POLR3B: variants seen among roughly 807,000 people sequenced by gnomAD.
POLR3B encodes the protein DNA-directed RNA polymerase III subunit RPC2.
A neutral mutation model predicts 147.4 loss-of-function variants in POLR3B; 96 were observed. That is an observed-to-expected ratio of 0.65 (90% CI 0.55 to 0.77). The LOEUF (loss-of-function observed/expected upper bound fraction) is 0.77. Among genes scored for constraint, POLR3B ranks in the 30% least tolerant of loss-of-function variants. The pLI is 0.00. For synonymous variants in POLR3B, 461 were observed against 485.9 expected (o/e 0.95, Z 0.67); for missense variants, 1,036 against 1,413.5 (o/e 0.73, Z 4.28).
chr12:106,495,745 G>A (rs965927140), intron 23 of POLR3B, among the ~76,000 whole-genome samples: 5 of 152,184 alleles, frequency 3.3e-5, no homozygotes, highest in Admixed American at 6.5e-5. Flanking sequence ...CCACAGGCCT[G>A]GGGTCCAGTG....
intron 14 of POLR3B, 109 bp from the exon 15 acceptor site, chr12:106,432,209 T>C: frequency 1.1e-6 from 1 of 940,758 alleles, no homozygotes; most frequent in Non-Finnish European, 1.7e-6. Flanking sequence ...CCTACAAAGT[T>C]GTACTGCTTT....
At chr12:106,377,256 T>C (rs763699825) in intron 7 of POLR3B, among the ~76,000 whole-genome samples, 2 of 152,236 alleles carry the variant, frequency 1.3e-5, no homozygotes, top group Non-Finnish European at 2.9e-5. Context: ...AAGTTTCTCT[T>C]AGTTCTTTAA....
chr12:106,402,269 CT>C (rs1357702005), intron 10 of POLR3B, among the ~76,000 whole-genome samples: 1 of 152,040 alleles, frequency 6.6e-6, no homozygotes, highest in African/African-American at 2.4e-5. Context: ...TGAAGGACCT[CT>C]TCAAGGAGAA....
intron 11 of POLR3B, chr12:106,410,592 A>G: frequency 1.9e-6 from 1 of 536,206 alleles, no homozygotes; most frequent in Non-Finnish European, 3.3e-6. Context: ...GAAGGGAAGA[A>G]GTTGATGTAG....
chr12:106,368,550 C>G (rs1247135124), intron 4 of POLR3B, among the ~76,000 whole-genome samples: 1 of 152,014 alleles, frequency 6.6e-6, no homozygotes, highest in East Asian at 1.9e-4. Context: ...AAAAATTTTT[C>G]AATCCTAGAC....
chr12:106,394,572 C>T (rs569560790), intron 10 of POLR3B, among the ~76,000 whole-genome samples: 3 of 152,282 alleles, frequency 2.0e-5, no homozygotes, highest in Admixed American at 1.3e-4. Flanking sequence ...TCAGTGAAAT[C>T]CGGTATGCAG....
chr12:106,450,452 C>A (rs1236361353), intron 19 of POLR3B, among the ~76,000 whole-genome samples: 1 of 152,040 alleles, frequency 6.6e-6, no homozygotes, highest in Non-Finnish European at 1.5e-5. Flanking sequence ...ATTTGCAATA[C>A]ATATATCTGA....
intron 26 of POLR3B, among the ~76,000 whole-genome samples, chr12:106,503,292 G>A (rs1372862987): frequency 6.6e-6 from 1 of 152,068 alleles, no homozygotes; most frequent in Non-Finnish European, 1.5e-5. Flanking sequence ...GTATGTGTTG[G>A]CATACCCTGT....
intron 18 of POLR3B, among the ~76,000 whole-genome samples, chr12:106,438,254 T>C (rs2037603688): frequency 6.6e-6 from 1 of 152,178 alleles, no homozygotes; most frequent in African/African-American, 2.4e-5. Flanking sequence ...TTTCATGGTA[T>C]ATATGTATAT....
chr12:106,405,581 A>ACACACAC, intron 10 of POLR3B, among the ~76,000 whole-genome samples: 1 of 78,624 alleles, frequency 1.3e-5, no homozygotes, highest in East Asian at 1.2e-3. Context: ...CACACACACA[A>ACACACAC]ATATATTTTA....
rs772930224 is a variant in POLR3B at position 106,380,018 on chromosome 12, T to C, written c.615-13T>C. 16 of 1,552,108 alleles carry C rather than the reference T, an allele frequency of 1.0e-5. No homozygotes were observed. The Admixed American group carries it at 2.2e-4, about 21-fold the overall frequency. ...GTGGGGATGCAGTTTAACCAACTTG[T>C]ATTTACTCATAGCTCTACCCATGAG... On this transcript the variant is annotated splice_polypyrimidine_tract_variant and intron_variant, in intron 8 of 27. Coordinates refer to ENST00000228347, the MANE Select transcript of POLR3B (RefSeq NM_018082.6).
rs753635412 is a variant in POLR3B, at chr12:106,427,334, T to C, written c.1239T>C (p.Asn413=). The part of the protein sequence containing the change: ...VKHMRQDQIT[N]GMVNAISTGN... ...ACATGCGCCAAGACCAGATCACCAA[T>C]GGCATGGTGAATGCTATTTCTACCG... is the stretch of plus-strand genomic sequence containing the variant. Residue 413 remains asparagine, a synonymous_variant, in exon 13 of 28, where the codon AAT becomes AAC. Transcript: ENST00000228347. 4 of 1,613,490 alleles carry C rather than the reference T, an allele frequency of 2.5e-6. No individual in the cohort carries two copies. Among genetic ancestry groups the C allele is most frequent in the Non-Finnish European group, 3.4e-6 (4 of 1,179,466 alleles).
At chr12:106,461,852 A>T (rs964844605) in intron 22 of POLR3B, among the ~76,000 whole-genome samples, 3 of 151,960 alleles carry the variant, frequency 2.0e-5, no homozygotes, top group Admixed American at 1.3e-4. Context: ...ATGACTCTTG[A>T]ACCTCATCTG....
In POLR3B at chr12:106,436,346, C is replaced by T. The variant is rs142023034; in HGVS notation, c.1782-711C>T. On this transcript the variant is annotated intron_variant, in intron 16 of 27. Transcript: ENST00000228347. ...GTTTCCTCATGGTGGCAAAGCCCTC[C>T]GAGGCAAGTCCCCACTGACAGTTAC... is the stretch of plus-strand genomic sequence containing the variant. Among the ~76,000 whole-genome samples the T allele has an allele frequency of 5.9e-5, 9 of 152,294 alleles. No homozygotes were observed. The South Asian group carries it at 8.3e-4, about 14-fold the overall frequency.
intron 15 of POLR3B, 105 bp from the exon 16 acceptor site, chr12:106,433,614 C>A: frequency 2.2e-6 from 2 of 911,306 alleles, no homozygotes; most frequent in Non-Finnish European, 3.3e-6. Context: ...ATGGTATTTT[C>A]AAATAACTGC....
chr12:106,377,580 G>A (rs1458135876), intron 7 of POLR3B, among the ~76,000 whole-genome samples: 1 of 152,156 alleles, frequency 6.6e-6, no homozygotes, highest in Non-Finnish European at 1.5e-5. Flanking sequence ...CCACTGATTT[G>A]TTAGAAAACT....
intron 23 of POLR3B, among the ~76,000 whole-genome samples, chr12:106,477,996 C>G (rs2038206082): frequency 6.8e-6 from 1 of 148,014 alleles, no homozygotes; most frequent in Admixed American, 6.8e-5. Flanking sequence ...CCTCCACCTC[C>G]CGGGTTCAAG....
At chr12:106,369,439 G>A in intron 5 of POLR3B, 89 bp downstream of exon 5, 1 of 949,400 alleles carries the variant, frequency 1.1e-6, no homozygotes. Context: ...ATTTAAAAAT[G>A]GGATGGGGGG....
intron 11 of POLR3B, among the ~76,000 whole-genome samples, chr12:106,407,789 A>G (rs1165072786): frequency 6.6e-6 from 1 of 151,982 alleles, no homozygotes; most frequent in Non-Finnish European, 1.5e-5. Context: ...AGATCACACC[A>G]TTGCACTCCA....
Sources: allele counts gnomAD v4.1 joint callset (sites outside exome capture counted in the v4.1 genomes callset), GRCh38; gene constraint gnomAD v4.1.1; transcripts MANE v1.5; gene names NCBI Gene and HGNC (gene_info 2026-07-23, HGNC 2026-07-21).